Variants in POTEF observed in about 807,000 individuals in gnomAD.
POTEF encodes the protein POTE ankyrin domain family member F.
In POTEF, 20 loss-of-function variants were observed where a neutral mutation model predicts 83.2. The observed-to-expected ratio is 0.24, with a 90% CI of 0.17 to 0.35. The LOEUF is 0.35. Ranked by LOEUF, POTEF falls within the 10% of genes least tolerant of loss-of-function variation. POTEF has a pLI of 1.00. For synonymous variants in POTEF, 196 were observed against 446.4 expected, an observed-to-expected ratio of 0.44 and a Z score of 7.07; for missense variants, 550 against 1,203.2, an observed-to-expected ratio of 0.46 and a Z score of 8.03.
Position 130,129,127 on chromosome 2 carries a change from CAA to C in POTEF, c.-307_-306del, listed in dbSNP as rs1330516947. On this transcript the variant is annotated 5_prime_UTR_variant, in exon 1 of 17. Coordinates refer to ENST00000409914, the MANE Select transcript of POTEF (RefSeq NM_001099771.2). Reference sequence around the variant, plus strand: ...GAGCTGCAGTGTCCCACGTCACCACCAAACACAGCAAGGCGAGCCCCAGGGGC... The same window carrying C: ...GAGCTGCAGTGTCCCACGTCACCACCACACAGCAAGGCGAGCCCCAGGGGC... 4.3e-5 allele frequency: 4 copies of C among 94,032 alleles called. No homozygotes were observed. The highest frequency in any genetic ancestry group is 3.8e-4 in the Admixed American group (3 of 7,820). 5.8% of individuals were successfully genotyped at this position (94,032 alleles called of 1,614,324 possible). A position where few individuals can be genotyped will look rare whatever the true frequency, so the allele number is the denominator to read the frequency against.
intron 15 of POTEF, among the ~76,000 whole-genome samples, chr2:130,083,388 C>T (rs537244408): frequency 2.0e-5 from 3 of 150,926 alleles, no homozygotes; most frequent in African/African-American, 4.9e-5. Flanking sequence ...TGAGAAACAA[C>T]AATGTCCAAA....
At chr2:130,104,464 T>G (rs577207329) in intron 8 of POTEF, among the ~76,000 whole-genome samples, 61 of 149,102 alleles carry the variant, frequency 4.1e-4, no homozygotes, top group African/African-American at 1.5e-3. Context: ...ATTTTGTTAT[T>G]TATATATTGC....
chr2:130,121,111 CGT>C (rs111806772), intron 2 of POTEF, among the ~76,000 whole-genome samples: 5 of 151,644 alleles, frequency 3.3e-5, no homozygotes, highest in South Asian at 2.1e-4. Flanking sequence ...TGCTGCCGGG[CGT>C]GTGCGCGCGG....
rs768567197 is a variant in POTEF at position 130,120,322 on chromosome 2, C to T, written c.194G>A (p.Cys65Tyr). 1.1e-5 allele frequency: 17 copies of T among 1,607,532 alleles called. No homozygotes were observed. The highest frequency in any genetic ancestry group is 1.4e-5 in the Non-Finnish European group (16 of 1,179,364). ...KTLRSKMGKW[C>Y]RHCFPCCRGS... is the part of the protein sequence containing the mutation. ...CCTGCAGCAGGGGAAGCAGTGGCGG[C>T]ACCACTTGCCCATCTTGCTCCTGAG... Residue 65 changes from cysteine (C) to tyrosine (Y), a missense_variant, in exon 3 of 17, where the codon TGC becomes TAC. Cys to Tyr is a radical substitution (Grantham distance 194). Coordinates refer to ENST00000409914, the MANE Select transcript of POTEF (RefSeq NM_001099771.2).
Position 130,100,747 on chromosome 2 carries a change from T to C in POTEF, c.1198-27A>G, listed in dbSNP as rs1684346873. On this transcript the variant is annotated intron_variant, in intron 9 of 16. Transcript: ENST00000409914. ...TGCAGAGGCAAAAACAGAAGGTTAATTTGCTTGTTGTGTTTCTGTGATGTG... is the reference window on the plus strand; with the variant it reads ...TGCAGAGGCAAAAACAGAAGGTTAACTTGCTTGTTGTGTTTCTGTGATGTG... The C allele has an allele frequency of 3.1e-6, 5 of 1,607,770 alleles. No homozygotes were observed. In the East Asian group the frequency reaches 1.1e-4, roughly 36 times the overall value.
intron 2 of POTEF, among the ~76,000 whole-genome samples, chr2:130,121,172 G>A (rs1684995449): frequency 6.6e-6 from 1 of 151,140 alleles, no homozygotes; most frequent in Non-Finnish European, 1.5e-5. Flanking sequence ...GTCAGGGCAC[G>A]TGGCACAGAC....
intron 5 of POTEF, among the ~76,000 whole-genome samples, chr2:130,114,345 T>C (rs1684786311): frequency 6.6e-6 from 1 of 151,096 alleles, no homozygotes; most frequent in African/African-American, 2.4e-5. Flanking sequence ...CATTATCTAA[T>C]TTCCAAATTG....
chr2:130,119,917 C>G, intron 3 of POTEF, 78 bp downstream of exon 3: 2 of 1,383,394 alleles, frequency 1.4e-6, no homozygotes, highest in South Asian at 2.6e-5. Flanking sequence ...AAAGCCAGGT[C>G]CCCCTCCTCC....
intron 3 of POTEF, among the ~76,000 whole-genome samples, chr2:130,119,202 T>G (rs13408907): frequency 2.6e-5 from 4 of 151,144 alleles, no homozygotes; most frequent in African/African-American, 9.8e-5. Context: ...CTCGCTCTGT[T>G]GCCCAGGCTG....
intron 2 of POTEF, among the ~76,000 whole-genome samples, chr2:130,125,601 C>T (rs1685074126): frequency 6.6e-6 from 1 of 151,460 alleles, no homozygotes; most frequent in Admixed American, 6.6e-5. Flanking sequence ...ACTGCAGGTT[C>T]TTAGATACAA....
In POTEF at chr2:130,102,435, C is replaced by T. The variant is rs539851846; in HGVS notation, c.1127-255G>A. ...CCACCAGAAACACAACTTTAAAATA[C>T]AGTAGAAGCATCTAAGGTAACACAG... On this transcript the variant is annotated intron_variant, in intron 8 of 16. Transcript: ENST00000409914. 6.3e-3 allele frequency among the ~76,000 whole-genome samples: 767 copies of T among 122,212 alleles called. 20 individuals are homozygous for T. The highest frequency in any genetic ancestry group is 0.024 in the African/African-American group (730 of 30,872). The allele number at this position is 122,212 out of a possible 152,430, so 80.2% of individuals were successfully genotyped here. A position where few individuals can be genotyped will look rare whatever the true frequency, so the allele number is the denominator to read the frequency against.
In POTEF at chr2:130,075,491, C is replaced by G. The variant is rs1683771510; in HGVS notation, c.1981G>C (p.Glu661Gln). 6.2e-7 allele frequency: 1 copy of G among 1,611,216 alleles called. No individual in the cohort carries two copies. The highest frequency in any genetic ancestry group is 8.5e-7 in the Non-Finnish European group (1 of 1,179,674). Residue 661 changes from glutamate (E) to glutamine (Q), a missense_variant, in exon 17 of 17, where the codon GAG (glutamate) becomes CAG (glutamine). By Grantham distance (29) the Glu-to-Gln change is conservative (BLOSUM62 2). Transcript: ENST00000409914. ...LREEIAMLRL[E>Q]LDTMKHQSQL... ...CTCTGATGTTTCATTGTGTCTAGCT[C>G]CAGTCTTAGCATGGCAATTTCTTCC...
rs12622935 is a variant in POTEF at position 130,127,287 on chromosome 2, G to C, written c.-94+422C>G. Among the ~76,000 whole-genome samples the C allele has an allele frequency of 1.5e-5, 2 of 137,490 alleles. 1 individual carries two copies. The highest frequency in any genetic ancestry group is 5.8e-5 in the African/African-American group (2 of 34,668). 90.2% of individuals were successfully genotyped at this position (137,490 alleles called of 152,430 possible). ...TTGCAGTGAGCCGAGATCACACCACGGCACTCCAGCCTGGGCAAAAGAGCG... is the reference window on the plus strand; with the variant it reads ...TTGCAGTGAGCCGAGATCACACCACCGCACTCCAGCCTGGGCAAAAGAGCG... On this transcript the variant is annotated intron_variant, in intron 2 of 16. Coordinates refer to ENST00000409914, the MANE Select transcript of POTEF (RefSeq NM_001099771.2).
intron 13 of POTEF, among the ~76,000 whole-genome samples, chr2:130,087,632 A>ATTT (rs1450442167): frequency 9.6e-6 from 1 of 103,854 alleles, no homozygotes; most frequent in African/African-American, 3.8e-5. Context: ...ATCTATTAAA[A>ATTT]TTTTTTTTTT....
chr2:130,122,107 TATC>T (rs1685014405), intron 2 of POTEF, among the ~76,000 whole-genome samples: 2 of 148,220 alleles, frequency 1.3e-5, no homozygotes, highest in Admixed American at 6.7e-5. Flanking sequence ...TACTTTCATT[TATC>T]ATGTTTTCAA....
intron 7 of POTEF, among the ~76,000 whole-genome samples, chr2:130,109,959 A>C (rs1342715725): frequency 1.3e-5 from 2 of 151,346 alleles, no homozygotes. Flanking sequence ...ATCGCCATGA[A>C]GACTTGAGGG....
intron 2 of POTEF, among the ~76,000 whole-genome samples, chr2:130,124,308 G>A (rs944830927): frequency 1.3e-4 from 14 of 105,410 alleles, no homozygotes; most frequent in African/African-American, 3.4e-4. Context: ...CTTTTAAGCC[G>A]AGCCATTATA....
In POTEF at chr2:130,073,996, T is replaced by C; in HGVS notation, c.*248A>G. The C allele has an allele frequency of 3.8e-6, 3 of 794,862 alleles. No individual in the cohort carries two copies. The highest frequency in any genetic ancestry group is 5.8e-6 in the Non-Finnish European group (3 of 513,564). 49.2% of individuals were successfully genotyped at this position (794,862 alleles called of 1,614,324 possible). A position where few individuals can be genotyped will look rare whatever the true frequency, so the allele number is the denominator to read the frequency against. ...ACAATGCGTCTCACAATATTTGGAA[T>C]GACTATTGAAAAGAAGAACAAGGTA... On this transcript the variant is annotated 3_prime_UTR_variant, in exon 17 of 17. Transcript: ENST00000409914.
chr2:130,127,472 C>T (rs1394834279), intron 2 of POTEF, among the ~76,000 whole-genome samples: 4 of 150,590 alleles, frequency 2.7e-5, no homozygotes, highest in African/African-American at 9.9e-5. Context: ...GGGGAGGACT[C>T]CTTTCCCTAA....
Sources: gnomAD v4.1 joint callset for allele counts (sites outside exome capture counted in the v4.1 genomes callset) on GRCh38, gnomAD v4.1.1 for gene constraint, MANE v1.5 for transcripts, NCBI Gene and HGNC (gene_info 2026-07-23, HGNC 2026-07-21) for gene names.